OVOL2: variants seen among roughly 807,000 people sequenced by gnomAD.
OVOL2 encodes the protein ovo like zinc finger 2.
Under a neutral mutation model 18.1 loss-of-function variants are expected in OVOL2, and 13 were observed. The ratio of observed to expected loss-of-function variants is 0.72; its 90% CI spans 0.47 to 1.14. The LOEUF is 1.14. OVOL2 is among the 50% of genes most tolerant of loss of function. The pLI is 0.00. For synonymous variants in OVOL2, 166 were observed against 162.7 expected (o/e 1.02, Z -0.16); for missense variants, 335 against 383.0 (o/e 0.87, Z 1.05).
In OVOL2 at chr20:18,026,932, C is replaced by T. The variant is rs191493562; in HGVS notation, c.512-1980G>A. On this transcript the variant is annotated intron_variant, in intron 3 of 3. Coordinates refer to ENST00000278780, the MANE Select transcript of OVOL2 (RefSeq NM_021220.4). ...TGGGACTTAAAGGTGGAACAACAGA[C>T]GCTGGGGACTACCAGAGGGCGGACA... is the stretch of plus-strand genomic sequence containing the variant. Among the ~76,000 whole-genome samples the T allele has an allele frequency of 1.2e-4, 18 of 152,160 alleles. No homozygotes were observed. In the South Asian group the frequency reaches 1.5e-3, roughly 12 times the overall value.
In OVOL2 at chr20:18,057,523, G is replaced by A; in HGVS notation, c.100+12C>T. 1 of 1,484,306 alleles carries A rather than the reference G, an allele frequency of 6.7e-7. No individual in the cohort carries two copies. The highest frequency in any genetic ancestry group is 2.8e-5 in the East Asian group (1 of 35,606). 91.9% of individuals were successfully genotyped at this position (1,484,306 alleles called of 1,614,324 possible). A position where few individuals can be genotyped will look rare whatever the true frequency, so the allele number is the denominator to read the frequency against. On this transcript the variant is annotated intron_variant, in intron 1 of 3. Transcript: ENST00000278780. This position sits in a 1 kb window ranked among gnomAD's most constrained non-coding sequence, Gnocchi z 6.3. The stretch of plus-strand genomic sequence containing the variant: ...AGCCCAGCGCCCAGGCCCGGCCCCC[G>A]CGCGCGCTCACCTGGGATGTAGGTG...
intron 3 of OVOL2, among the ~76,000 whole-genome samples, chr20:18,027,975 G>A (rs575772747): frequency 1.3e-5 from 2 of 151,996 alleles, no homozygotes; most frequent in African/African-American, 4.8e-5. Context: ...AGTTGAGAGA[G>A]GGTGAATATG....
intron 3 of OVOL2, among the ~76,000 whole-genome samples, chr20:18,034,151 T>C (rs1420414029): frequency 6.6e-6 from 1 of 152,126 alleles, no homozygotes; most frequent in Non-Finnish European, 1.5e-5. Context: ...TCTGGGTCAG[T>C]GCATGTCCCC....
chr20:18,034,002 T>G (rs1222818386), intron 3 of OVOL2, among the ~76,000 whole-genome samples: 3 of 152,192 alleles, frequency 2.0e-5, no homozygotes. Context: ...TGGAAGCTCA[T>G]GTCCCCTCTC....
intron 2 of OVOL2, among the ~76,000 whole-genome samples, chr20:18,050,085 A>G (rs1025429286): frequency 1.3e-5 from 2 of 152,122 alleles, no homozygotes; most frequent in African/African-American, 2.4e-5. Flanking sequence ...GGGGCCATAC[A>G]TGCTTTAAAG....
chr20:18,055,286 C>T (rs1386822631), intron 2 of OVOL2, among the ~76,000 whole-genome samples: 1 of 152,188 alleles, frequency 6.6e-6, no homozygotes, highest in African/African-American at 2.4e-5. Flanking sequence ...GGCAAACTAG[C>T]TGCAGAGGCT....
At chr20:18,029,604 G>C (rs1209509314) in intron 3 of OVOL2, among the ~76,000 whole-genome samples, 1 of 152,134 alleles carries the variant, frequency 6.6e-6, no homozygotes, top group East Asian at 1.9e-4. Flanking sequence ...CCACCTGCCA[G>C]TATTAATAAT....
At chr20:18,058,597 A>C (rs1271170732), upstream of OVOL2, among the ~76,000 whole-genome samples, 2 of 150,430 alleles carry the variant, frequency 1.3e-5, no homozygotes, top group Non-Finnish European at 3.0e-5. Context: ...AAAAGCCAGG[A>C]GCATATTATG....
intron 2 of OVOL2, among the ~76,000 whole-genome samples, chr20:18,043,182 T>A (rs1307505474): frequency 1.3e-5 from 2 of 152,178 alleles, no homozygotes; most frequent in Non-Finnish European, 2.9e-5. Flanking sequence ...CATGACATCA[T>A]GGAGCCTGGT....
chr20:18,053,297 C>T (rs2036786021), intron 2 of OVOL2, among the ~76,000 whole-genome samples: 1 of 152,222 alleles, frequency 6.6e-6, no homozygotes, highest in Admixed American at 6.5e-5. Flanking sequence ...CCCACTATCT[C>T]ATTTAATCTA....
At chr20:18,033,865 T>A (rs1400244534) in intron 3 of OVOL2, among the ~76,000 whole-genome samples, 1 of 152,202 alleles carries the variant, frequency 6.6e-6, no homozygotes, top group African/African-American at 2.4e-5. Context: ...TTAGGAAGCA[T>A]CCTAGCCTGT....
At chr20:18,031,182 G>T (rs1287403434) in intron 3 of OVOL2, among the ~76,000 whole-genome samples, 1 of 152,230 alleles carries the variant, frequency 6.6e-6, no homozygotes, top group Admixed American at 6.5e-5. Context: ...CGAAGAGCCA[G>T]GCTGCGGATC....
intron 3 of OVOL2, among the ~76,000 whole-genome samples, chr20:18,032,233 C>T (rs951894165): frequency 1.5e-4 from 19 of 127,266 alleles, no homozygotes; most frequent in Non-Finnish European, 2.9e-4. Context: ...AGGAAGGAAG[C>T]GAGGAAGAAG....
At position 18,057,596 on chromosome 20, in the gene OVOL2, C is replaced by T; in HGVS notation, c.39G>A (p.Gly13=). Residue 13 remains glycine, a synonymous_variant, in exon 1 of 4, where the codon GGG becomes GGA. Transcript: ENST00000278780. The surrounding 1 kb of genome is among the most constrained non-coding windows in gnomAD (Gnocchi z 6.3). ...GCTCATCCCAGCTGCGGACCGAGAC[C>T]CCCAGGCTCCTCCTCTTCACCAGGA... ...KVFLVKRRSL[G]VSVRSWDELP... 6.3e-7 allele frequency: 1 copy of T among 1,597,160 alleles called. No homozygotes were observed. The highest frequency in any genetic ancestry group is 1.7e-5 in the Admixed American group (1 of 58,348).
intron 2 of OVOL2, among the ~76,000 whole-genome samples, chr20:18,044,670 G>A (rs570432767): frequency 1.3e-5 from 2 of 152,292 alleles, no homozygotes; most frequent in South Asian, 2.1e-4. Context: ...CGAGTCTAGT[G>A]GGGGTGCAGG....
rs905384981 is a variant in OVOL2 at position 18,057,056 on chromosome 20, G to T, written c.101-179C>A. On this transcript the variant is annotated intron_variant, in intron 1 of 3. Transcript: ENST00000278780. This position sits in a 1 kb window ranked among gnomAD's most constrained non-coding sequence, Gnocchi z 6.3. ...GAATCGGCCCACAGAGCTAGCTTGG[G>T]GTGCTCGGAGCCTCTTTCCGGTCCC... Among the ~76,000 whole-genome samples the T allele has an allele frequency of 5.3e-5, 8 of 152,182 alleles. No homozygotes were observed. The highest frequency in any genetic ancestry group is 2.9e-5 in the Non-Finnish European group (2 of 68,016).
chr20:18,040,653 G>A (rs1395724043), intron 3 of OVOL2, among the ~76,000 whole-genome samples: 1 of 152,140 alleles, frequency 6.6e-6, no homozygotes, highest in African/African-American at 2.4e-5. Flanking sequence ...AAGAGGCCAA[G>A]GGCACCCCCA....
intron 2 of OVOL2, among the ~76,000 whole-genome samples, chr20:18,043,567 G>A (rs554173912): frequency 6.6e-6 from 1 of 152,286 alleles, no homozygotes; most frequent in South Asian, 2.1e-4. Context: ...CCAGCTGAAT[G>A]AGTCGCCCCC....
chr20:18,039,774 T>C (rs79654444), intron 3 of OVOL2, among the ~76,000 whole-genome samples: 2,848 of 151,986 alleles, frequency 0.019, 91 homozygotes, highest in African/African-American at 0.064. Flanking sequence ...ACACGCATGA[T>C]ATGAACTAGA....
Sources: allele counts gnomAD v4.1 joint callset (sites outside exome capture counted in the v4.1 genomes callset), GRCh38; gene constraint gnomAD v4.1.1; non-coding constraint Gnocchi (gnomAD v3.1); transcripts MANE v1.5; gene names NCBI Gene and HGNC (gene_info 2026-07-23, HGNC 2026-07-21).